Variants in RNF128 observed in about 807,000 individuals in gnomAD.
RNF128 encodes the protein ring finger protein 128, also known as E3 ubiquitin-protein ligase RNF128.
In RNF128, 13 loss-of-function variants were observed where a neutral mutation model predicts 26.2. That is an observed-to-expected ratio of 0.50 (90% CI 0.32 to 0.79). The LOEUF is 0.79. RNF128 is among the 30% of genes least tolerant of loss of function. RNF128 has a pLI of 0.03. For missense variants in RNF128, 315 were observed against 349.7 expected (o/e 0.90, Z 0.79); for synonymous variants, 149 against 142.5 (o/e 1.05, Z -0.32).
chrX:106,772,871 A>G, intron 1 of RNF128, 42 bp from the exon 2 acceptor site: 1 of 1,174,736 alleles, frequency 8.5e-7, no homozygotes, highest in South Asian at 1.9e-5. Flanking sequence ...TTATACTAAG[A>G]ATGTTTCACC....
At chrX:106,703,085 A>G (rs1366894931) in intron 1 of RNF128, among the ~76,000 whole-genome samples, 2 of 112,093 alleles carry the variant, frequency 1.8e-5, no homozygotes. Context: ...TAGTAACACA[A>G]TGTAGTTAAG....
chrX:106,761,999 T>C (rs1930128007), intron 1 of RNF128, among the ~76,000 whole-genome samples: 1 of 110,295 alleles, frequency 9.1e-6, no homozygotes, highest in Non-Finnish European at 1.9e-5. Context: ...TAATTGTATA[T>C]ATTTATGGGG....
At chrX:106,792,419 A>G (rs910952686) in intron 6 of RNF128, among the ~76,000 whole-genome samples, 4 of 110,768 alleles carry the variant, frequency 3.6e-5, no homozygotes, top group African/African-American at 1.3e-4. Flanking sequence ...AGAGATTTGA[A>G]AAGCAAATGA....
intron 1 of RNF128, among the ~76,000 whole-genome samples, chrX:106,701,831 T>C (rs1381281163): frequency 9.0e-6 from 1 of 111,187 alleles, no homozygotes; most frequent in Non-Finnish European, 1.9e-5. Flanking sequence ...AATAGAAATA[T>C]ATGGGCAAAA....
intron 1 of RNF128, among the ~76,000 whole-genome samples, chrX:106,695,341 T>C (rs1928859386): frequency 9.0e-6 from 1 of 111,549 alleles, no homozygotes; most frequent in African/African-American, 3.2e-5. Context: ...TTAATGCAAA[T>C]TAAATTAAAC....
chrX:106,732,075 T>C (rs1929510828), intron 1 of RNF128, among the ~76,000 whole-genome samples: 2 of 112,069 alleles, frequency 1.8e-5, no homozygotes, highest in South Asian at 7.5e-4. Flanking sequence ...TGTTGGTCCC[T>C]AAACATTCTC....
chrX:106,714,127 G>C lies in RNF128; in HGVS notation c.406+19719G>C, dbSNP rs1288914580. 2.8e-5 allele frequency among the ~76,000 whole-genome samples: 3 copies of C among 105,453 alleles called. No individual in the cohort carries two copies. In the East Asian group the frequency reaches 9.0e-4, roughly 32 times the overall value. The allele number at this position is 105,453 out of a possible 115,157, so 91.6% of individuals were successfully genotyped here. ...CAGGAGGCGGAGCTTGCAGTGAGCCGAGATGGCATCACTGCACTCCAGCCT... is the reference window on the plus strand; with the variant it reads ...CAGGAGGCGGAGCTTGCAGTGAGCCCAGATGGCATCACTGCACTCCAGCCT... On this transcript the variant is annotated intron_variant, in intron 1 of 6. Transcript: ENST00000324342.
At chrX:106,748,566 G>T (rs1929825894) in intron 1 of RNF128, among the ~76,000 whole-genome samples, 1 of 112,045 alleles carries the variant, frequency 8.9e-6, no homozygotes, top group African/African-American at 3.2e-5. Flanking sequence ...TGTGGTATGT[G>T]TACACAATGG....
intron 1 of RNF128, among the ~76,000 whole-genome samples, chrX:106,762,646 AG>A (rs770848434): frequency 9.0e-6 from 1 of 111,033 alleles, no homozygotes; most frequent in South Asian, 3.9e-4. Flanking sequence ...TTTAGGCTCA[AG>A]GACACATGTG....
chrX:106,711,075 A>G (rs757537473), intron 1 of RNF128, among the ~76,000 whole-genome samples: 10 of 112,077 alleles, frequency 8.9e-5, no homozygotes, highest in African/African-American at 2.6e-4. Flanking sequence ...AAATATAAAA[A>G]TAATTTTTGC....
intron 1 of RNF128, among the ~76,000 whole-genome samples, chrX:106,734,163 G>GCC (rs1929549159): frequency 9.0e-6 from 1 of 111,720 alleles, no homozygotes; most frequent in East Asian, 2.8e-4. Context: ...TTGACTGAGA[G>GCC]TTGGGGATTG....
chrX:106,751,345 C>T (rs1929880514), intron 1 of RNF128, among the ~76,000 whole-genome samples: 4 of 111,052 alleles, frequency 3.6e-5, no homozygotes, highest in African/African-American at 1.3e-4. Context: ...AGGAAAACAA[C>T]ATGGGGCATA....
rs146880125 is a variant in RNF128, at chrX:106,795,623, A to G, written c.1197A>G (p.Ala399=). Residue 399 remains alanine (A), a synonymous_variant, in exon 7 of 7, where the codon GCA becomes GCG. Transcript: ENST00000255499. ...TAAACCATGAAGCAAATTCTGTGGCAGTGGATGTTATTCCTCATGTTGACA... is the reference window on the plus strand; with the variant it reads ...TAAACCATGAAGCAAATTCTGTGGCGGTGGATGTTATTCCTCATGTTGACA... ...QLVNHEANSV[A]VDVIPHVDNP... 82 of 1,197,621 alleles carry G rather than the reference A, an allele frequency of 6.8e-5. No homozygotes were observed. The highest frequency in any genetic ancestry group is 9.0e-5 in the Non-Finnish European group (80 of 888,175).
At chrX:106,784,031 A>C (rs1930609063) in intron 2 of RNF128, among the ~76,000 whole-genome samples, 1 of 111,217 alleles carries the variant, frequency 9.0e-6, no homozygotes, top group South Asian at 3.8e-4. Context: ...AATATTCACC[A>C]TTTCAACACA....
chrX:106,785,197 G>A, intron 3 of RNF128, 61 bp downstream of exon 3: 2 of 867,751 alleles, frequency 2.3e-6, no homozygotes, highest in Non-Finnish European at 3.2e-6. Flanking sequence ...CCATTGTTCA[G>A]GCTAAATGTT....
chrX:106,694,546 T>C (rs1045390527), intron 1 of RNF128: 2 of 345,854 alleles, frequency 5.8e-6, no homozygotes, highest in East Asian at 9.5e-5. Context: ...GCACAACTTG[T>C]AATTACTTTA....
rs1930257166 is a variant in RNF128 at position 106,766,813 on chromosome X, T to G, written c.485-6100T>G. ...CCATGCCTATGGCCTGAATGGTATT[T>G]GCCTAGGTTTTCTTCTAGGATTTTT... On this transcript the variant is annotated intron_variant, in intron 1 of 6. Transcript: ENST00000255499. 2.7e-5 allele frequency among the ~76,000 whole-genome samples: 3 copies of G among 111,991 alleles called. No individual in the cohort carries two copies. In the South Asian group the frequency reaches 1.1e-3, roughly 42 times the overall value.
At position 106,717,387 on chromosome X, in the gene RNF128, C is replaced by A. The variant is rs940343093; in HGVS notation, c.406+22979C>A. ...AATCTAAAAAAAATTAATATCACTT[C>A]TCTTTTCTAGTAGTAGACAATTGAG... On this transcript the variant is annotated intron_variant, in intron 1 of 6. Transcript: ENST00000324342. 2.5e-4 allele frequency among the ~76,000 whole-genome samples: 28 copies of A among 111,581 alleles called. No individual in the cohort carries two copies. In the Admixed American group the frequency reaches 2.7e-3, roughly 11 times the overall value.
chrX:106,748,838 A>G lies in RNF128; in HGVS notation c.484+21441A>G, dbSNP rs1432122158. 2.7e-5 allele frequency among the ~76,000 whole-genome samples: 3 copies of G among 111,710 alleles called. No individual in the cohort carries two copies. The East Asian group carries it at 8.4e-4, about 31-fold the overall frequency. On this transcript the variant is annotated intron_variant, in intron 1 of 6. Transcript: ENST00000255499. ...AGACAGAAGAAATAAGCTCTAGTAT[A>G]CAATAATACAGTAGTGAATAACTTA...
Sources: allele counts gnomAD v4.1 joint callset (sites outside exome capture counted in the v4.1 genomes callset), GRCh38; gene constraint gnomAD v4.1.1; transcripts MANE v1.5; gene names NCBI Gene and HGNC (gene_info 2026-07-23, HGNC 2026-07-21).